GOLIM4: variants seen among roughly 807,000 people sequenced by gnomAD.
The protein encoded by GOLIM4 is golgi integral membrane protein 4.
GOLIM4 carries 71 observed loss-of-function variants against 107.4 expected under a neutral mutation model. The observed-to-expected ratio is 0.66, with a 90% CI of 0.55 to 0.81. The LOEUF is 0.81. Among genes scored for constraint, GOLIM4 ranks in the 30% least tolerant of loss-of-function variants. The pLI is 0.00. For synonymous variants in GOLIM4, 327 were observed against 294.8 expected, an observed-to-expected ratio of 1.11 and a Z score of -1.12; for missense variants, 830 against 826.1, an observed-to-expected ratio of 1.00 and a Z score of -0.06.
chr3:168,019,984 G>A (rs11914470), intron 14 of GOLIM4, among the ~76,000 whole-genome samples: 31,295 of 151,878 alleles, frequency 0.21, 7,323 homozygotes, highest in African/African-American at 0.57. Context: ...TATTTCCATT[G>A]TTCTGTCTAT....
chr3:168,093,538 C>A (rs1185283865), intron 1 of GOLIM4, among the ~76,000 whole-genome samples: 1 of 152,144 alleles, frequency 6.6e-6, no homozygotes, highest in East Asian at 1.9e-4. Flanking sequence ...AAAATCTAGT[C>A]CTGTTATACT....
chr3:168,067,297 C>G (rs1006899505), intron 1 of GOLIM4, among the ~76,000 whole-genome samples: 15 of 152,138 alleles, frequency 9.9e-5, no homozygotes, highest in South Asian at 4.1e-4. Context: ...ATGAAGAATA[C>G]TAGCCCTTGA....
chr3:168,095,040 C>T lies in GOLIM4; in HGVS notation c.187+59G>A, dbSNP rs1054112588. The T allele has an allele frequency of 3.6e-6, 5 of 1,379,476 alleles. No individual in the cohort carries two copies. The South Asian group carries it at 3.8e-5, about 10-fold the overall frequency. The allele number at this position is 1,379,476 out of a possible 1,614,324, so 85.5% of individuals were successfully genotyped here. A position where few individuals can be genotyped will look rare whatever the true frequency, so the allele number is the denominator to read the frequency against. On this transcript the variant is annotated intron_variant, in intron 1 of 15. Coordinates refer to ENST00000470487, the MANE Select transcript of GOLIM4 (RefSeq NM_014498.5). ...TAGCTCACCAAAGCCACTTTTCCTG[C>T]CCGGGTGGAGGCGCGGGGCAAAGTT...
rs1351326047 is a variant in GOLIM4, at chr3:168,025,027, T to C, written c.1692A>G (p.Glu564=). 1.1e-5 allele frequency: 18 copies of C among 1,613,840 alleles called. No individual in the cohort carries two copies. The highest frequency in any genetic ancestry group is 1.4e-5 in the Non-Finnish European group (16 of 1,179,818). ...AATTTTCTTCTCTCACTTGCTCGGC[T>C]TCTTCAAATTCATCCTCACCTTGAT... ...PNNQGEDEFE[E]AEQVREENLP... is the part of the protein sequence containing the mutation. Residue 564 remains glutamate, a synonymous_variant, in exon 13 of 16, where the codon GAA becomes GAG. Transcript: ENST00000470487.
At chr3:168,079,613 A>G (rs1402071298) in intron 1 of GOLIM4, among the ~76,000 whole-genome samples, 1 of 152,200 alleles carries the variant, frequency 6.6e-6, no homozygotes, top group Non-Finnish European at 1.5e-5. Context: ...CTAAATTGTT[A>G]TATTTGGTTG....
intron 1 of GOLIM4, among the ~76,000 whole-genome samples, chr3:168,076,788 T>A (rs1721105525): frequency 6.6e-6 from 1 of 152,224 alleles, no homozygotes; most frequent in South Asian, 2.1e-4. Context: ...TAAGTAAAAA[T>A]GTTCTACTTG....
chr3:168,068,823 T>C (rs1446537593), intron 1 of GOLIM4, among the ~76,000 whole-genome samples: 1 of 149,700 alleles, frequency 6.7e-6, no homozygotes, highest in African/African-American at 2.5e-5. Flanking sequence ...CTTTAATTTA[T>C]TTTATTTTAT....
At chr3:168,019,973 G>C (rs10936552) in intron 14 of GOLIM4, among the ~76,000 whole-genome samples, 31,301 of 151,888 alleles carry the variant, frequency 0.21, 7,327 homozygotes, top group African/African-American at 0.57. Context: ...TGGTCACTTT[G>C]TATTTCCATT....
chr3:168,048,655 T>C (rs1033488660), intron 1 of GOLIM4, among the ~76,000 whole-genome samples: 8 of 152,154 alleles, frequency 5.3e-5, no homozygotes, highest in African/African-American at 1.9e-4. Context: ...CAAGTGTCTT[T>C]TTGAGATCTT....
intron 1 of GOLIM4, among the ~76,000 whole-genome samples, chr3:168,078,558 C>T (rs1431995999): frequency 2.0e-5 from 3 of 152,176 alleles, no homozygotes; most frequent in African/African-American, 7.2e-5. Flanking sequence ...TAACGACTCA[C>T]TAGATATTTA....
At chr3:168,078,726 G>T (rs528701088) in intron 1 of GOLIM4, among the ~76,000 whole-genome samples, 120 of 152,204 alleles carry the variant, frequency 7.9e-4, no homozygotes, top group Non-Finnish European at 1.2e-3. Flanking sequence ...TAATTGGTGG[G>T]TCTGTTGTTA....
chr3:168,095,390 T>G lies in GOLIM4; in HGVS notation c.-105A>C. 2 of 919,812 alleles carry G rather than the reference T, an allele frequency of 2.2e-6. No individual in the cohort carries two copies. Among genetic ancestry groups the G allele is most frequent in the South Asian group, 1.6e-5 (1 of 64,134 alleles). The allele number at this position is 919,812 out of a possible 1,614,324, so 57.0% of individuals were successfully genotyped here. Reference sequence around the variant, plus strand: ...CCGCAGTAGGTGGCCAGACGCAGCATGAGGAGGAGATGCCAGACACAAAAG... The same window carrying G: ...CCGCAGTAGGTGGCCAGACGCAGCAGGAGGAGGAGATGCCAGACACAAAAG... On this transcript the variant is annotated 5_prime_UTR_variant, in exon 1 of 16. The change abolishes an upstream ATG in the 5' untranslated region. Transcript: ENST00000470487.
chr3:168,024,059 AG>A (rs1717857359), intron 14 of GOLIM4, among the ~76,000 whole-genome samples: 1 of 152,230 alleles, frequency 6.6e-6, no homozygotes, highest in African/African-American at 2.4e-5. Context: ...AGAGGCCAGA[AG>A]GAGAGACTGT....
intron 1 of GOLIM4, among the ~76,000 whole-genome samples, chr3:168,063,688 T>C (rs922144093): frequency 2.3e-5 from 3 of 130,828 alleles, no homozygotes; most frequent in African/African-American, 8.6e-5. Context: ...ATAAGAGTTA[T>C]CCTTTCTTCA....
chr3:168,025,098 G>A lies in GOLIM4; in HGVS notation c.1624-3C>T. ...TTTATATCTTCTACAGCTGCCCTCTGTAAAATTTTAATAAAAAGCAACTAT... is the reference window on the plus strand; with the variant it reads ...TTTATATCTTCTACAGCTGCCCTCTATAAAATTTTAATAAAAAGCAACTAT... On this transcript the variant is annotated splice_polypyrimidine_tract_variant and splice_region_variant and intron_variant, in intron 12 of 15. Transcript: ENST00000470487. 1.9e-6 allele frequency: 3 copies of A among 1,598,020 alleles called. No individual in the cohort carries two copies. Among genetic ancestry groups the A allele is most frequent in the Non-Finnish European group, 2.6e-6 (3 of 1,173,908 alleles).
At chr3:168,057,514 C>T (rs940866176) in intron 1 of GOLIM4, among the ~76,000 whole-genome samples, 8 of 152,074 alleles carry the variant, frequency 5.3e-5, no homozygotes, top group Non-Finnish European at 1.2e-4. Context: ...TTACAAGGGG[C>T]AAGTGCCACT....
chr3:168,076,271 T>C (rs1577569369), intron 1 of GOLIM4, among the ~76,000 whole-genome samples: 2 of 152,360 alleles, frequency 1.3e-5, no homozygotes, highest in East Asian at 3.9e-4. Flanking sequence ...GCATTACATA[T>C]GTTCACCAGA....
chr3:168,083,211 A>C (rs1056387763), intron 1 of GOLIM4, among the ~76,000 whole-genome samples: 3 of 152,208 alleles, frequency 2.0e-5, no homozygotes, highest in African/African-American at 7.2e-5. Context: ...TGAATGAACA[A>C]GTTGAAATTA....
intron 14 of GOLIM4, among the ~76,000 whole-genome samples, chr3:168,015,302 A>G (rs1426818849): frequency 2.0e-5 from 3 of 147,642 alleles, no homozygotes; most frequent in Non-Finnish European, 4.4e-5. Context: ...TGCTTCAAAG[A>G]GAATAAAATA....
Sources: allele counts gnomAD v4.1 joint callset (sites outside exome capture counted in the v4.1 genomes callset), GRCh38; gene constraint gnomAD v4.1.1; transcripts MANE v1.5; gene names NCBI Gene and HGNC (gene_info 2026-07-23, HGNC 2026-07-21).